The following BDP1 variants were observed in gnomAD, a reference collection of about 807,000 sequenced individuals.
BDP1 encodes the protein BDP1 general transcription factor IIIB subunit.
In BDP1, 169 loss-of-function variants were observed where a neutral mutation model predicts 266.6. That is an observed-to-expected ratio of 0.63 (90% CI 0.56 to 0.72). The LOEUF is 0.72. Among genes scored for constraint, BDP1 ranks in the 30% least tolerant of loss-of-function variants. The pLI is 0.00. For missense variants in BDP1, 3,015 were observed against 3,053.8 expected, an observed-to-expected ratio of 0.99 and a Z score of 0.30; for synonymous variants, 1,090 against 1,022.4, an observed-to-expected ratio of 1.07 and a Z score of -1.26.
At chr5:71,576,931 C>T in the BDP1 span, among the ~76,000 whole-genome samples, 1 of 152,104 alleles carries the variant, frequency 6.6e-6, no homozygotes, top group African/African-American at 2.4e-5. Flanking sequence ...CCAATAATAG[C>T]AATAGTAAGC....
chr5:71,489,734 A>G (rs1561700152), intron 10 of BDP1, 52 bp downstream of exon 10: 1 of 1,472,312 alleles, frequency 6.8e-7, no homozygotes, highest in Non-Finnish European at 9.2e-7. Flanking sequence ...GAAGACATGT[A>G]CAGTAATATG....
intron 22 of BDP1, among the ~76,000 whole-genome samples, 159 bp from the exon 23 acceptor site, chr5:71,522,130 T>G (rs1235040967): frequency 6.6e-6 from 1 of 152,240 alleles, no homozygotes; most frequent in African/African-American, 2.4e-5. Flanking sequence ...ATATCAGCAA[T>G]GTGTGGTTTC....
In BDP1 at chr5:71,549,423, A is replaced by G. The variant is rs751195396; in HGVS notation, c.6812A>G (p.Asn2271Ser). 1 of 1,609,170 alleles carries G rather than the reference A, an allele frequency of 6.2e-7. No individual in the cohort carries two copies. Among genetic ancestry groups the G allele is most frequent in the East Asian group, 2.2e-5 (1 of 44,838 alleles). ...NIINPQDLTV[N>S]LVANVPQDGE... ...ACTAACTTTTAAACTTTGATAGTGA[A>G]TCTAGTTGCTAATGTACCTCAAGAT... Residue 2271 changes from asparagine (N) to serine (S), a missense_variant, in exon 34 of 39, where the codon AAT (asparagine) becomes AGT (serine). Around this residue, in one of 3 missense-constraint regions of BDP1, gnomAD observed 629 missense variants for 632.5 expected, o/e 0.99. Transcript: ENST00000358731.
In BDP1 at chr5:71,534,286, A is replaced by G. The variant is rs1280890446; in HGVS notation, c.5892+1859A>G. ...CATGGATAACCTCATTATCCAACTT[A>G]TGTCTTTTGCATGTTGCTATCCATT... is the stretch of plus-strand genomic sequence containing the variant. On this transcript the variant is annotated intron_variant, in intron 26 of 38. Transcript: ENST00000358731. 2.6e-5 allele frequency among the ~76,000 whole-genome samples: 4 copies of G among 152,250 alleles called. No homozygotes were observed. The East Asian group carries it at 7.7e-4, about 29-fold the overall frequency.
At chr5:71,554,303 A>G (rs468128) in intron 35 of BDP1, among the ~76,000 whole-genome samples, 63,782 of 151,950 alleles carry the variant, frequency 0.42, 13,740 homozygotes, top group South Asian at 0.47. Context: ...CCACTTTTCA[A>G]TTAGATTATT....
intron 35 of BDP1, 110 bp downstream of exon 35, chr5:71,553,430 A>G: frequency 3.0e-6 from 2 of 674,300 alleles, no homozygotes; most frequent in Non-Finnish European, 4.8e-6. Flanking sequence ...TTAGATATAT[A>G]TAAAGATAGT....
chr5:71,534,430 T>G (rs915948605), intron 26 of BDP1, among the ~76,000 whole-genome samples: 40 of 152,196 alleles, frequency 2.6e-4, no homozygotes, highest in Non-Finnish European at 7.3e-5. Flanking sequence ...TCAATTCTGT[T>G]GCATAGATCT....
chr5:71,527,051 G>A (rs1765931969), intron 25 of BDP1, among the ~76,000 whole-genome samples: 1 of 151,762 alleles, frequency 6.6e-6, no homozygotes. Context: ...GTGTTGTCAT[G>A]CTACCATCAC....
intron 25 of BDP1, among the ~76,000 whole-genome samples, chr5:71,525,088 C>T (rs1446676385): frequency 6.6e-6 from 1 of 152,222 alleles, no homozygotes; most frequent in Non-Finnish European, 1.5e-5. Context: ...CCCACTGTTC[C>T]CCCCTTTCTA....
At chr5:71,531,339 C>T (rs1031587525) in intron 25 of BDP1, among the ~76,000 whole-genome samples, 1 of 151,952 alleles carries the variant, frequency 6.6e-6, no homozygotes, top group East Asian at 1.9e-4. Context: ...CTTTTTAGTG[C>T]TCAGATTACA....
chr5:71,495,066 A>G lies in BDP1; in HGVS notation c.1641-184A>G, dbSNP rs977861637. 1.0e-5 allele frequency: 4 copies of G among 381,874 alleles called. No individual in the cohort carries two copies. In the Admixed American group the frequency reaches 1.8e-4, roughly 17 times the overall value. The allele number at this position is 381,874 out of a possible 1,614,324, so 23.7% of individuals were successfully genotyped here. On this transcript the variant is annotated intron_variant, in intron 11 of 38. Coordinates refer to ENST00000358731, the MANE Select transcript of BDP1 (RefSeq NM_018429.3). ...TGTGGCTGCTGCTTTCTCTGGAGGT[A>G]CAGTTTTTATAACATGATGCAAGAT...
At chr5:71,542,048 A>C in intron 29 of BDP1, 57 bp from the exon 30 acceptor site, 1 of 1,399,708 alleles carries the variant, frequency 7.1e-7, no homozygotes. Flanking sequence ...AGACTGTATT[A>C]ATGTGAGAGA....
At chr5:71,548,649 A>G in intron 32 of BDP1, 33 bp from the exon 33 acceptor site, 1 of 1,448,702 alleles carries the variant, frequency 6.9e-7, no homozygotes, top group Non-Finnish European at 9.7e-7. Flanking sequence ...GATTTGGCCA[A>G]CCTGACTCTT....
Position 71,509,560 on chromosome 5 carries a change from G to A in BDP1, c.2468G>A (p.Gly823Glu). 1.2e-6 allele frequency: 2 copies of A among 1,613,534 alleles called. No individual in the cohort carries two copies. Among genetic ancestry groups the A allele is most frequent in the Non-Finnish European group, 8.5e-7 (1 of 1,179,922 alleles). Residue 823 changes from glycine to glutamate, a missense_variant, in exon 17 of 39, where the codon GGA (glycine) becomes GAA (glutamate). This residue lies in a region of BDP1 where 2,383 missense variants were observed against 2,404.9 expected (regional missense o/e 0.99). Transcript: ENST00000358731. ...KPKPNIGRGTGRREISSKEEV... is the reference protein window; with the variant it reads ...KPKPNIGRGTERREISSKEEV... ...AAGCCAAATATAGGAAGAGGAACTG[G>A]AAGGAGAGAAATTTCCTCAAAGGAA...
At chr5:71,560,775 G>A (rs948539921) in intron 37 of BDP1, among the ~76,000 whole-genome samples, 4 of 152,140 alleles carry the variant, frequency 2.6e-5, no homozygotes, top group Non-Finnish European at 4.4e-5. Flanking sequence ...AGATTAATGT[G>A]GTGTTGCTGA....
chr5:71,539,103 A>G, intron 27 of BDP1, 25 bp downstream of exon 27: 1 of 1,530,212 alleles, frequency 6.5e-7, no homozygotes, highest in South Asian at 1.1e-5. Flanking sequence ...GGAAACTGCT[A>G]AGACTACCTT....
intron 35 of BDP1, among the ~76,000 whole-genome samples, chr5:71,556,627 C>CT (rs1743234481): frequency 6.6e-6 from 1 of 152,004 alleles, no homozygotes; most frequent in Non-Finnish European, 1.5e-5. Flanking sequence ...TGATGTGCTG[C>CT]TTGTACTATT....
chr5:71,501,735 A>T (rs1217804155), intron 14 of BDP1, 82 bp downstream of exon 14: 1 of 849,380 alleles, frequency 1.2e-6, no homozygotes, highest in African/African-American at 1.7e-5. Flanking sequence ...TTTCTACTTA[A>T]TAAGGTCTGA....
chr5:71,564,743 T>G lies in BDP1; in HGVS notation c.7744-11T>G. On this transcript the variant is annotated splice_polypyrimidine_tract_variant and intron_variant, in intron 38 of 38. Transcript: ENST00000358731. The stretch of plus-strand genomic sequence containing the variant: ...AGTTTTATTTTTACTTTATTTTTAT[T>G]ACCTTTTTAGGTTTCTTGTGATCAG... 1 of 1,588,700 alleles carries G rather than the reference T, an allele frequency of 6.3e-7. No individual in the cohort carries two copies. Among genetic ancestry groups the G allele is most frequent in the Non-Finnish European group, 8.5e-7 (1 of 1,171,212 alleles).
Sources: allele counts gnomAD v4.1 joint callset (sites outside exome capture counted in the v4.1 genomes callset), GRCh38; gene constraint gnomAD v4.1.1; regional missense constraint gnomAD v4.1.1; transcripts MANE v1.5; gene names NCBI Gene and HGNC (gene_info 2026-07-23, HGNC 2026-07-21).